Variants in LRTM1 observed in about 807,000 individuals in gnomAD.
The protein encoded by LRTM1 is leucine-rich repeat and transmembrane domain-containing protein 1.
Under a neutral mutation model 32.4 loss-of-function variants are expected in LRTM1, and 38 were observed. That is an observed-to-expected ratio of 1.17 (90% CI 0.91 to 1.54). LRTM1 has a LOEUF of 1.54. Ranked by LOEUF, LRTM1 falls within the 40% of genes most tolerant of loss-of-function variation. The pLI is 0.00. For missense variants in LRTM1, 466 were observed against 415.4 expected, an observed-to-expected ratio of 1.12 and a Z score of -1.06; for synonymous variants, 186 against 169.9, an observed-to-expected ratio of 1.09 and a Z score of -0.74.
At chr3:54,962,052 C>T (rs1166173082) in intron 1 of LRTM1, among the ~76,000 whole-genome samples, 1 of 105,900 alleles carries the variant, frequency 9.4e-6, no homozygotes, top group East Asian at 3.6e-4. Flanking sequence ...CTCATGATAA[C>T]TCATTAATCC....
chr3:54,920,655 G>A (rs1415791414), intron 2 of LRTM1, among the ~76,000 whole-genome samples: 5 of 152,130 alleles, frequency 3.3e-5, no homozygotes, highest in African/African-American at 1.2e-4. Context: ...CAGGAAGTTG[G>A]TTGCAAGACA....
intron 1 of LRTM1, among the ~76,000 whole-genome samples, chr3:54,960,088 A>C (rs1381597330): frequency 6.6e-6 from 1 of 152,154 alleles, no homozygotes; most frequent in African/African-American, 2.4e-5. Context: ...AAAAAAAAAA[A>C]AAAACCAAAG....
chr3:54,924,573 A>G (rs781534610), intron 2 of LRTM1, 46 bp downstream of exon 2: 4 of 1,439,352 alleles, frequency 2.8e-6, no homozygotes, highest in Non-Finnish European at 3.9e-6. Context: ...GATTCATCCT[A>G]GGCTGGTAAC....
chr3:54,935,698 C>T (rs770255223), intron 1 of LRTM1, among the ~76,000 whole-genome samples: 14 of 152,118 alleles, frequency 9.2e-5, no homozygotes, highest in Non-Finnish European at 1.5e-4. Flanking sequence ...TTTACTATAA[C>T]GTGATAGTTC....
intron 1 of LRTM1, among the ~76,000 whole-genome samples, chr3:54,953,605 G>A (rs200696743): frequency 1.3e-5 from 2 of 152,158 alleles, no homozygotes; most frequent in African/African-American, 4.8e-5. Context: ...GGACATCCAC[G>A]ATCCTTTCTA....
intron 2 of LRTM1, among the ~76,000 whole-genome samples, chr3:54,922,077 G>A (rs1422350008): frequency 2.0e-5 from 3 of 152,068 alleles, no homozygotes; most frequent in Non-Finnish European, 2.9e-5. Flanking sequence ...GCCTTCCTCC[G>A]AAGAAAAGCT....
At chr3:54,925,249 C>T in intron 1 of LRTM1, 34 bp from the exon 2 acceptor site, 1 of 1,564,802 alleles carries the variant, frequency 6.4e-7, no homozygotes, top group Non-Finnish European at 8.8e-7. Flanking sequence ...GGATAGGAAC[C>T]AGTTTGTGAG....
At chr3:54,954,726 G>C (rs912307687) in intron 1 of LRTM1, among the ~76,000 whole-genome samples, 6 of 152,168 alleles carry the variant, frequency 3.9e-5, no homozygotes, top group African/African-American at 1.4e-4. Context: ...CAAAAATCCA[G>C]AATCTGCTTC....
At chr3:54,953,151 A>G (rs934094967) in intron 1 of LRTM1, among the ~76,000 whole-genome samples, 1 of 152,174 alleles carries the variant, frequency 6.6e-6, no homozygotes, top group Non-Finnish European at 1.5e-5. Context: ...AATATTTACT[A>G]TGTGCCTGGC....
At position 54,922,622 on chromosome 3, in the gene LRTM1, C is replaced by T. The variant is rs887850664; in HGVS notation, c.604+1997G>A. Reference sequence around the variant, plus strand: ...GTTGTATTCACCCTAACCTCATTCCCGCTGAGAACCGCTACAACCATGCAG... The same window carrying T: ...GTTGTATTCACCCTAACCTCATTCCTGCTGAGAACCGCTACAACCATGCAG... On this transcript the variant is annotated intron_variant, in intron 2 of 2. Transcript: ENST00000273286. Among the ~76,000 whole-genome samples the T allele has an allele frequency of 3.3e-5, 5 of 152,132 alleles. No individual in the cohort carries two copies. The East Asian group carries it at 7.7e-4, about 23-fold the overall frequency.
At chr3:54,948,984 G>C (rs986700534) in intron 1 of LRTM1, among the ~76,000 whole-genome samples, 1 of 152,204 alleles carries the variant, frequency 6.6e-6, no homozygotes, top group Non-Finnish European at 1.5e-5. Flanking sequence ...GGTACAGTTG[G>C]ATCTGGGGCT....
chr3:54,962,363 G>T (rs1301205659), intron 1 of LRTM1, among the ~76,000 whole-genome samples: 1 of 152,194 alleles, frequency 6.6e-6, no homozygotes, highest in African/African-American at 2.4e-5. Context: ...GGAGTGGACA[G>T]TTTGCATTGG....
chr3:54,918,941 A>G, intron 2 of LRTM1, 49 bp from the exon 3 acceptor site: 1 of 1,435,266 alleles, frequency 7.0e-7, no homozygotes, highest in Non-Finnish European at 9.2e-7. Flanking sequence ...GATACAACAG[A>G]GTTCCAAAAT....
upstream of LRTM1, among the ~76,000 whole-genome samples, chr3:54,930,357 C>T (rs952592170): frequency 6.6e-6 from 1 of 152,186 alleles, no homozygotes; most frequent in Non-Finnish European, 1.5e-5. Context: ...AGAACCTTGT[C>T]ATTCTGGTCA....
intron 1 of LRTM1, among the ~76,000 whole-genome samples, chr3:54,953,160 G>C (rs576916125): frequency 6.6e-6 from 1 of 152,238 alleles, no homozygotes; most frequent in Admixed American, 6.5e-5. Context: ...TATGTGCCTG[G>C]CACTGTGCTA....
At chr3:54,930,498 C>T (rs1701159163), upstream of LRTM1, among the ~76,000 whole-genome samples, 1 of 152,168 alleles carries the variant, frequency 6.6e-6, no homozygotes, top group Non-Finnish European at 1.5e-5. Flanking sequence ...CAGCTGGGAT[C>T]CAGATATCTT....
At chr3:54,945,248 A>G (rs2106998080) in intron 1 of LRTM1, among the ~76,000 whole-genome samples, 1 of 152,330 alleles carries the variant, frequency 6.6e-6, no homozygotes, top group South Asian at 2.1e-4. Flanking sequence ...TGTGCAGCAG[A>G]ATACATGGTG....
intron 1 of LRTM1, among the ~76,000 whole-genome samples, chr3:54,947,270 C>G (rs1241964761): frequency 6.6e-6 from 1 of 152,280 alleles, no homozygotes; most frequent in South Asian, 2.1e-4. Flanking sequence ...TCTATGCTGC[C>G]TCTTAACTTT....
intron 1 of LRTM1, among the ~76,000 whole-genome samples, chr3:54,934,558 A>G (rs1210492904): frequency 6.6e-6 from 1 of 152,164 alleles, no homozygotes; most frequent in African/African-American, 2.4e-5. Context: ...TGGGTTTGAA[A>G]TGTATGCCTC....
Sources: allele counts gnomAD v4.1 joint callset (sites outside exome capture counted in the v4.1 genomes callset), GRCh38; gene constraint gnomAD v4.1.1; transcripts MANE v1.5; gene names NCBI Gene and HGNC (gene_info 2026-07-23, HGNC 2026-07-21).